Variants in DNAH17 observed in about 807,000 individuals in gnomAD.
DNAH17 encodes the protein dynein axonemal heavy chain 17.
Under a neutral mutation model 485.6 loss-of-function variants are expected in DNAH17, and 376 were observed. The observed-to-expected ratio is 0.77, with a 90% CI of 0.71 to 0.84. The LOEUF (loss-of-function observed/expected upper bound fraction) is 0.84, where lower values mean the gene tolerates loss of function less well. DNAH17 is among the 40% of genes least tolerant of loss of function. The pLI, the probability that DNAH17 is intolerant of heterozygous loss-of-function variation, is 0.00. For synonymous variants in DNAH17, 3,031 were observed against 2,405.9 expected (o/e 1.26, Z -7.60); for missense variants, 6,370 against 5,839.3 (o/e 1.09, Z -2.96).
chr17:78,508,529 G>A (rs1300319046), intron 27 of DNAH17, among the ~76,000 whole-genome samples: 1 of 152,092 alleles, frequency 6.6e-6, no homozygotes, highest in African/African-American at 2.4e-5. Context: ...TTCTCCTCTT[G>A]ATCTATCTTA....
intron 34 of DNAH17, 102 bp downstream of exon 34, chr17:78,501,640 C>A: frequency 6.7e-7 from 1 of 1,483,322 alleles, no homozygotes; most frequent in Non-Finnish European, 9.1e-7. Context: ...AGTCAGTGCC[C>A]CAGGAAGAGG....
intron 37 of DNAH17, among the ~76,000 whole-genome samples, chr17:78,498,309 C>T (rs1164440982): frequency 1.3e-5 from 2 of 152,210 alleles, no homozygotes; most frequent in Non-Finnish European, 2.9e-5. Flanking sequence ...ACCGCCAACG[C>T]CCTGACTTGC....
chr17:78,527,601 T>C (rs1328192785), intron 22 of DNAH17, among the ~76,000 whole-genome samples: 1 of 152,088 alleles, frequency 6.6e-6, no homozygotes, highest in East Asian at 1.9e-4. Flanking sequence ...GGATTGTCCA[T>C]TACAACAGAG....
chr17:78,444,848 C>T lies in DNAH17; in HGVS notation c.11335-51G>A, dbSNP rs953246830. ...TGACTCTTCCCACTTACCCGGGTCCCGAGAGCCTTCCTGTACAGTTCATTC... is the reference window on the plus strand; with the variant it reads ...TGACTCTTCCCACTTACCCGGGTCCTGAGAGCCTTCCTGTACAGTTCATTC... On this transcript the variant is annotated intron_variant, in intron 70 of 80. Transcript: ENST00000389840. 2.9e-5 allele frequency: 44 copies of T among 1,514,576 alleles called. No individual in the cohort carries two copies. In the Admixed American group the frequency reaches 6.2e-4, roughly 21 times the overall value. 93.8% of individuals were successfully genotyped at this position (1,514,576 alleles called of 1,614,324 possible).
Position 78,429,318 on chromosome 17 carries a change from C to T in DNAH17, c.12226-18G>A, listed in dbSNP as rs376702275. ...CAGGGCACCTGAGGAAGGATGACAG[C>T]GGGTAGGGGAAAGTGCCCCTGTGCC... On this transcript the variant is annotated intron_variant, in intron 75 of 80. Transcript: ENST00000389840. 1.2e-5 allele frequency: 20 copies of T among 1,608,408 alleles called. No homozygotes were observed. In the East Asian group the frequency reaches 1.8e-4, roughly 14 times the overall value.
At position 78,445,143 on chromosome 17, in the gene DNAH17, CCTGA is replaced by C. The variant is rs566812209; in HGVS notation, c.11335-350_11335-347del. On this transcript the variant is annotated intron_variant, in intron 70 of 80. Coordinates refer to ENST00000389840, the MANE Select transcript of DNAH17 (RefSeq NM_173628.4). The stretch of plus-strand genomic sequence containing the variant: ...GAACAGACCTTGAGACTCGAGGGTC[CCTGA>C]CTGTGTCCAGGAATCTGAAGAACAA... Among the ~76,000 whole-genome samples, 939 of 151,104 alleles carry C rather than the reference CCTGA, an allele frequency of 6.2e-3. 6 individuals carry two copies. The highest frequency in any genetic ancestry group is 0.02 in the African/African-American group (821 of 41,156).
At chr17:78,557,338 C>T (rs1472533389) in intron 14 of DNAH17, among the ~76,000 whole-genome samples, 1 of 152,126 alleles carries the variant, frequency 6.6e-6, no homozygotes, top group African/African-American at 2.4e-5. Flanking sequence ...ATGTAATTGG[C>T]CAGGCTTGGG....
intron 16 of DNAH17, among the ~76,000 whole-genome samples, chr17:78,549,312 A>T (rs552355549): frequency 2.0e-5 from 3 of 152,232 alleles, no homozygotes; most frequent in Non-Finnish European, 4.4e-5. Context: ...GCACATCGAG[A>T]AGGCAGCCGT....
At chr17:78,493,978 C>A (rs892986647) in intron 41 of DNAH17, 58 bp downstream of exon 41, 2 of 1,563,456 alleles carry the variant, frequency 1.3e-6, no homozygotes, top group Non-Finnish European at 1.7e-6. Context: ...CGACCCTTCG[C>A]CCCAGCCCTC....
intron 19 of DNAH17, among the ~76,000 whole-genome samples, chr17:78,533,984 C>A (rs978579010): frequency 2.6e-5 from 4 of 152,196 alleles, no homozygotes; most frequent in African/African-American, 9.7e-5. Context: ...ATGCGCCCAG[C>A]CCAATTTTGA....
Position 78,466,795 on chromosome 17 carries a change from C to A in DNAH17, c.8800G>T (p.Val2934Leu), listed in dbSNP as rs141643513. ...QLKVILCFSP[V>L]GSVLRVRARK... The stretch of plus-strand genomic sequence containing the variant: ...GCTCGTACCCGCAGCACGGAGCCCA[C>A]AGGGGAGAAACACAGGATCACCTGG... The change falls in exon 56 of 81, where the codon GTG (valine) becomes TTG (leucine). Residue 2934 changes from valine to leucine, a missense_variant. By Grantham distance (32) the Val-to-Leu change is conservative (BLOSUM62 1). Transcript: ENST00000389840. The A allele has an allele frequency of 6.3e-7, 1 of 1,597,178 alleles. No individual in the cohort carries two copies. Among genetic ancestry groups the A allele is most frequent in the East Asian group, 2.3e-5 (1 of 43,546 alleles).
intron 62 of DNAH17, among the ~76,000 whole-genome samples, chr17:78,457,559 TG>T (rs2087866430): frequency 6.6e-6 from 1 of 152,108 alleles, no homozygotes; most frequent in Admixed American, 6.6e-5. Context: ...AAAATTTTTT[TG>T]TAGAGATGGG....
chr17:78,548,589 C>T (rs563487605), intron 16 of DNAH17, among the ~76,000 whole-genome samples: 26 of 152,280 alleles, frequency 1.7e-4, no homozygotes, highest in South Asian at 1.7e-3. Flanking sequence ...GATATCTAAA[C>T]GACTTGTTAC....
chr17:78,441,240 C>G, intron 71 of DNAH17, 41 bp from the exon 72 acceptor site: 1 of 1,610,202 alleles, frequency 6.2e-7, no homozygotes, highest in Middle Eastern at 1.7e-4. Flanking sequence ...ACCTGAGGCT[C>G]TGGGCCAGGG....
rs34124297 is a variant in DNAH17 at position 78,500,279 on chromosome 17, C to G, written c.5640+26G>C. 0.37 allele frequency: 590,082 copies of G among 1,588,740 alleles called. 113,210 individuals are homozygous for G. The highest frequency in any genetic ancestry group is 0.7 in the East Asian group (30,607 of 43,578). On this transcript the variant is annotated intron_variant, in intron 36 of 80. Coordinates refer to ENST00000389840, the MANE Select transcript of DNAH17 (RefSeq NM_173628.4). ...GCTTCTATAAAAGAAGACTCTGGGT[C>G]CCTCCTCCGGACCCCGGCCGCGTAC...
intron 25 of DNAH17, among the ~76,000 whole-genome samples, chr17:78,521,573 A>T (rs1440740092): frequency 6.6e-6 from 1 of 152,224 alleles, no homozygotes; most frequent in Non-Finnish European, 1.5e-5. Context: ...AACAGAAAGC[A>T]GAAAACTATA....
At chr17:78,537,114 G>T (rs2091396614) in intron 19 of DNAH17, among the ~76,000 whole-genome samples, 185 bp downstream of exon 19, 1 of 151,240 alleles carries the variant, frequency 6.6e-6, no homozygotes, top group South Asian at 2.1e-4. Context: ...GGAGGCGGAG[G>T]TTGCAGTGAG....
At chr17:78,520,183 A>G (rs667233) in intron 25 of DNAH17, among the ~76,000 whole-genome samples, 30,588 of 152,112 alleles carry the variant, frequency 0.2, 3,609 homozygotes, top group East Asian at 0.52. Context: ...AGTAAACACA[A>G]AAAAATTTGA....
rs201257079 is a variant in DNAH17, at chr17:78,457,147, G to C, written c.9978-1311C>G. The stretch of plus-strand genomic sequence containing the variant: ...GCACTTTGGGAGGCCGAGGCAGGTG[G>C]ATCACCTGAGGTCAGGAGTTCGAGA... On this transcript the variant is annotated intron_variant, in intron 62 of 80. Coordinates refer to ENST00000389840, the MANE Select transcript of DNAH17 (RefSeq NM_173628.4). Among the ~76,000 whole-genome samples the C allele has an allele frequency of 2.6e-4, 39 of 152,326 alleles. No individual in the cohort carries two copies. In the East Asian group the frequency reaches 6.8e-3, roughly 26 times the overall value.
Sources: gnomAD v4.1 joint callset for allele counts (sites outside exome capture counted in the v4.1 genomes callset) on GRCh38, gnomAD v4.1.1 for gene constraint, MANE v1.5 for transcripts, NCBI Gene and HGNC (gene_info 2026-07-23, HGNC 2026-07-21) for gene names.